ITPK1: variants seen among roughly 807,000 people sequenced by gnomAD.
ITPK1 encodes the protein inositol 1,3,4-trisphosphate 5/6-kinase.
In ITPK1, 21 loss-of-function variants were observed where a neutral mutation model predicts 45.3. That is an observed-to-expected ratio of 0.46 (90% CI 0.33 to 0.67). The LOEUF (loss-of-function observed/expected upper bound fraction) is 0.67, where lower values mean the gene tolerates loss of function less well. ITPK1 is among the 30% of genes least tolerant of loss of function. The pLI is 0.02. For missense variants in ITPK1, 474 were observed against 573.5 expected (o/e 0.83, Z 1.77); for synonymous variants, 258 against 253.6 (o/e 1.02, Z -0.16).
intron 5 of ITPK1, among the ~76,000 whole-genome samples, chr14:92,971,578 T>C (rs1436628087): frequency 6.6e-6 from 1 of 152,200 alleles, no homozygotes; most frequent in Non-Finnish European, 1.5e-5. Flanking sequence ...GTAGGTCAAA[T>C]GTCAGTAACA....
chr14:92,945,035 G>A (rs2139699827), intron 10 of ITPK1, among the ~76,000 whole-genome samples: 1 of 152,320 alleles, frequency 6.6e-6, no homozygotes, highest in East Asian at 1.9e-4. Flanking sequence ...TGCCTCTCCT[G>A]GGACCTGCCC....
At chr14:93,044,771 C>T (rs1017765938) in intron 3 of ITPK1, among the ~76,000 whole-genome samples, 2 of 152,160 alleles carry the variant, frequency 1.3e-5, no homozygotes, top group African/African-American at 2.4e-5. Flanking sequence ...GAAGGGCCAC[C>T]GCAAGCACCA....
chr14:93,047,291 G>A (rs905120656), intron 3 of ITPK1, among the ~76,000 whole-genome samples: 3 of 152,216 alleles, frequency 2.0e-5, no homozygotes, highest in Non-Finnish European at 2.9e-5. Flanking sequence ...GCCAGCTAGA[G>A]TATCATGTCA....
At chr14:93,007,874 G>A (rs1242129097) in intron 4 of ITPK1, among the ~76,000 whole-genome samples, 3 of 152,216 alleles carry the variant, frequency 2.0e-5, no homozygotes, top group Admixed American at 6.5e-5. Context: ...CAGAGAGCTT[G>A]GGGACTAGAA....
rs574032994 is a variant in ITPK1 at position 92,978,164 on chromosome 14, T to C, written c.365-15315A>G. On this transcript the variant is annotated intron_variant, in intron 5 of 10. Transcript: ENST00000267615. Reference sequence around the variant, plus strand: ...ATGCTTTAGCAAAGAGACTGGCATATTGTGTCCCTGCTCTAGAGATCTGTG... The same window carrying C: ...ATGCTTTAGCAAAGAGACTGGCATACTGTGTCCCTGCTCTAGAGATCTGTG... Among the ~76,000 whole-genome samples, 26 of 152,084 alleles carry C rather than the reference T, an allele frequency of 1.7e-4. 1 individual carries two copies. The highest frequency in any genetic ancestry group is 5.6e-4 in the African/African-American group (23 of 41,316).
chr14:93,030,171 A>C (rs988944287), intron 3 of ITPK1, among the ~76,000 whole-genome samples: 3 of 152,258 alleles, frequency 2.0e-5, no homozygotes, highest in Non-Finnish European at 4.4e-5. Context: ...ATTTACACTC[A>C]GTAGAGCTGA....
intron 3 of ITPK1, among the ~76,000 whole-genome samples, chr14:93,064,319 C>T (rs1365895204): frequency 3.9e-5 from 6 of 152,170 alleles, no homozygotes; most frequent in African/African-American, 1.4e-4. Flanking sequence ...GAGATGGGGT[C>T]TCACTATGTC....
intron 10 of ITPK1, among the ~76,000 whole-genome samples, 175 bp downstream of exon 10, chr14:92,946,156 C>T (rs766466932): frequency 1.3e-4 from 20 of 152,186 alleles, no homozygotes; most frequent in Non-Finnish European, 2.8e-4. Context: ...TCCTCGCACA[C>T]CCCGTAAGCC....
intron 2 of ITPK1, among the ~76,000 whole-genome samples, chr14:93,078,693 T>G (rs1014426646): frequency 1.3e-5 from 2 of 152,002 alleles, no homozygotes; most frequent in Non-Finnish European, 2.9e-5. Context: ...ATGAGGAACC[T>G]GTGCTACACC....
intron 4 of ITPK1, among the ~76,000 whole-genome samples, chr14:93,011,226 G>A (rs1887887096): frequency 6.6e-6 from 1 of 152,210 alleles, no homozygotes; most frequent in Non-Finnish European, 1.5e-5. Context: ...TGTCATTTCA[G>A]GCTGCAAAGC....
chr14:92,968,457 T>C (rs1885486705), intron 5 of ITPK1, among the ~76,000 whole-genome samples: 1 of 152,114 alleles, frequency 6.6e-6, no homozygotes, highest in African/African-American at 2.4e-5. Context: ...GCTAAGTAAA[T>C]GCTTCACAAC....
intron 2 of ITPK1, among the ~76,000 whole-genome samples, chr14:93,107,943 T>C (rs747697581): frequency 1.3e-5 from 2 of 152,276 alleles, no homozygotes; most frequent in East Asian, 1.9e-4. Flanking sequence ...GCCACTCTAA[T>C]ACACACCGTG....
At chr14:93,100,685 C>T (rs944324446) in intron 2 of ITPK1, among the ~76,000 whole-genome samples, 1 of 152,092 alleles carries the variant, frequency 6.6e-6, no homozygotes, top group Non-Finnish European at 1.5e-5. Flanking sequence ...CCTTTATTAC[C>T]GAACCCGCTC....
intron 2 of ITPK1, among the ~76,000 whole-genome samples, chr14:93,107,881 G>A (rs1892588015): frequency 2.0e-5 from 3 of 152,232 alleles, no homozygotes; most frequent in Admixed American, 2.0e-4. Flanking sequence ...CAGGCTCAGA[G>A]CAGCAAGACG....
At chr14:92,942,421 C>T (rs1440707607) in intron 10 of ITPK1, among the ~76,000 whole-genome samples, 1 of 152,192 alleles carries the variant, frequency 6.6e-6, no homozygotes, top group African/African-American at 2.4e-5. Flanking sequence ...GAGAAGGCTG[C>T]CGCCCAGGTG....
chr14:92,939,921 T>C lies in ITPK1; in HGVS notation c.*1640A>G, dbSNP rs1452959669. ...AAGCAGTGCAAGAGGCCAGCCACGCTTTCCTGTTCCCCAGGGCTCAGGGTC... is the reference window on the plus strand; with the variant it reads ...AAGCAGTGCAAGAGGCCAGCCACGCCTTCCTGTTCCCCAGGGCTCAGGGTC... On this transcript the variant is annotated 3_prime_UTR_variant, in exon 11 of 11. Coordinates refer to ENST00000267615, the MANE Select transcript of ITPK1 (RefSeq NM_014216.6). The C allele has an allele frequency of 1.0e-6, 1 of 985,766 alleles. No individual in the cohort carries two copies. The highest frequency in any genetic ancestry group is 1.7e-5 in the African/African-American group (1 of 57,242). The allele number at this position is 985,766 out of a possible 1,614,324, so 61.1% of individuals were successfully genotyped here.
intron 4 of ITPK1, among the ~76,000 whole-genome samples, chr14:93,013,161 C>A (rs1363517542): frequency 6.6e-6 from 1 of 152,228 alleles, no homozygotes; most frequent in African/African-American, 2.4e-5. Context: ...AGAACCAAAC[C>A]TCAGGCAGAG....
At chr14:93,058,393 GTAGGTCGCAACA>G (rs1890302228) in intron 3 of ITPK1, among the ~76,000 whole-genome samples, 1 of 129,122 alleles carries the variant, frequency 7.7e-6, no homozygotes, top group Non-Finnish European at 1.6e-5. Context: ...TGGAGGGGGT[GTAGGTCGCAACA>G]CAGGGGTGGA....
At chr14:93,102,630 T>C (rs917677177) in intron 2 of ITPK1, among the ~76,000 whole-genome samples, 96 of 151,944 alleles carry the variant, frequency 6.3e-4, no homozygotes, top group African/African-American at 2.3e-3. Context: ...CACTCCAACC[T>C]GGATGACAGA....
Sources: allele counts gnomAD v4.1 joint callset (sites outside exome capture counted in the v4.1 genomes callset), GRCh38; gene constraint gnomAD v4.1.1; transcripts MANE v1.5; gene names NCBI Gene and HGNC (gene_info 2026-07-23, HGNC 2026-07-21).